CNTRL: variants seen among roughly 807,000 people sequenced by gnomAD.
The protein encoded by CNTRL is 110 kDa centrosomal protein.
CNTRL carries 233 observed loss-of-function variants against 303.7 expected under a neutral mutation model. The observed-to-expected ratio is 0.77, with a 90% CI of 0.69 to 0.86. The LOEUF is 0.86. Among genes scored for constraint, CNTRL ranks in the 40% least tolerant of loss-of-function variants. CNTRL has a pLI of 0.00. For synonymous variants in CNTRL, 900 were observed against 922.2 expected (o/e 0.98, Z 0.44); for missense variants, 2,524 against 2,650.6 (o/e 0.95, Z 1.05).
intron 8 of CNTRL, among the ~76,000 whole-genome samples, chr9:121,109,683 G>A (rs952488383): frequency 6.6e-6 from 1 of 152,082 alleles, no homozygotes; most frequent in Non-Finnish European, 1.5e-5. Context: ...TTAAAATTTT[G>A]ATAAGTGTTA....
chr9:121,081,071 C>T (rs2048120560), intron 2 of CNTRL, among the ~76,000 whole-genome samples: 1 of 152,208 alleles, frequency 6.6e-6, no homozygotes, highest in South Asian at 2.1e-4. Context: ...ACACCTACCT[C>T]TCCAGATTTC....
chr9:121,096,932 G>T (rs1358334147), intron 6 of CNTRL, among the ~76,000 whole-genome samples: 2 of 151,580 alleles, frequency 1.3e-5, no homozygotes, highest in East Asian at 3.9e-4. Context: ...TTTGTGCCAG[G>T]ATCCAGATCA....
chr9:121,151,752 T>C (rs1282887289), intron 25 of CNTRL, among the ~76,000 whole-genome samples: 1 of 152,158 alleles, frequency 6.6e-6, no homozygotes, highest in East Asian at 1.9e-4. Flanking sequence ...AAGCTCCTCC[T>C]TCAGACTCAG....
At chr9:121,076,108 T>G (rs2047914162) in intron 1 of CNTRL, among the ~76,000 whole-genome samples, 1 of 152,206 alleles carries the variant, frequency 6.6e-6, no homozygotes, top group Non-Finnish European at 1.5e-5. Context: ...TTGTAGCTTA[T>G]AGTCTAGAAG....
Position 121,166,183 on chromosome 9 carries a change from A to G in CNTRL, c.5655+3A>G. 6.2e-7 allele frequency: 1 copy of G among 1,602,860 alleles called. No individual in the cohort carries two copies. The highest frequency in any genetic ancestry group is 1.1e-5 in the South Asian group (1 of 90,104). ...ACCATTTGAACCTAGCAAAACAGGT[A>G]AGGTTAACAAATGTAATATTCTAGT... On this transcript the variant is annotated splice_donor_region_variant and intron_variant, in intron 36 of 43. Coordinates refer to ENST00000373855, the MANE Select transcript of CNTRL (RefSeq NM_007018.6).
intron 20 of CNTRL, among the ~76,000 whole-genome samples, chr9:121,144,441 G>A (rs1007727271): frequency 3.9e-5 from 6 of 152,106 alleles, no homozygotes; most frequent in Non-Finnish European, 1.5e-5. Flanking sequence ...ATCTCGTGCA[G>A]TCATGTGAAA....
intron 35 of CNTRL, 38 bp downstream of exon 35, chr9:121,165,138 T>A: frequency 6.6e-7 from 1 of 1,511,214 alleles, no homozygotes. Flanking sequence ...TGTGATTTCC[T>A]TGCCCTTCGT....
chr9:121,134,290 A>ATTTTTTTTTTTTT (rs1357821014), intron 14 of CNTRL, among the ~76,000 whole-genome samples: 1 of 97,886 alleles, frequency 1.0e-5, no homozygotes, highest in African/African-American at 3.7e-5. Flanking sequence ...TAATATCATT[A>ATTTTTTTTTTTTT]TTATTTTTTT....
At chr9:121,140,542 C>T (rs1042918631) in intron 16 of CNTRL, 99 bp from the exon 17 acceptor site, 1 of 1,048,072 alleles carries the variant, frequency 9.5e-7, no homozygotes, top group African/African-American at 1.6e-5. Context: ...GAGGCATTGT[C>T]TGAATTTAGT....
chr9:121,096,491 T>C lies in CNTRL; in HGVS notation c.549T>C (p.His183=). 6.4e-7 allele frequency: 1 copy of C among 1,571,472 alleles called. No homozygotes were observed. Among genetic ancestry groups the C allele is most frequent in the Non-Finnish European group, 8.7e-7 (1 of 1,154,608 alleles). ...KLNLAGNEIE[H]IPVWLGKKLK... Reference sequence around the variant, plus strand: ...ACCTTGCAGGAAATGAAATTGAGCATATTCCAGTATGGTTAGGGAAGAAGT... The same window carrying C: ...ACCTTGCAGGAAATGAAATTGAGCACATTCCAGTATGGTTAGGGAAGAAGT... The change falls in exon 6 of 44, where the codon CAT becomes CAC. Residue 183 remains histidine, a synonymous_variant. Coordinates refer to ENST00000373855, the MANE Select transcript of CNTRL (RefSeq NM_007018.6).
In CNTRL at chr9:121,142,184, A is replaced by T. The variant is rs773025383; in HGVS notation, c.2785A>T (p.Ile929Phe). The T allele has an allele frequency of 1.7e-5, 27 of 1,613,408 alleles. No individual in the cohort carries two copies. The South Asian group carries it at 2.6e-4, about 16-fold the overall frequency. Residue 929 changes from isoleucine to phenylalanine, a missense_variant, in exon 19 of 44, where the codon ATC becomes TTC. Ile to Phe is a conservative substitution (Grantham distance 21). Coordinates refer to ENST00000373855, the MANE Select transcript of CNTRL (RefSeq NM_007018.6). ...LQENLKSMEEIQGLTDLQLQE... is the reference protein window; with the variant it reads ...LQENLKSMEEFQGLTDLQLQE... ...AGAAAATCTAAAAAGTATGGAGGAA[A>T]TCCAAGGCCTTACAGATCTCCAACT...
At chr9:121,078,977 G>T (rs918761975) in intron 1 of CNTRL, among the ~76,000 whole-genome samples, 1 of 152,086 alleles carries the variant, frequency 6.6e-6, no homozygotes, top group African/African-American at 2.4e-5. Context: ...ATGTAGGCCT[G>T]ATTGATTACA....
chr9:121,079,250 A>G (rs2048047521), intron 1 of CNTRL, among the ~76,000 whole-genome samples: 1 of 152,208 alleles, frequency 6.6e-6, no homozygotes, highest in Admixed American at 6.5e-5. Context: ...TAGACCAAAA[A>G]GCCTTGTGGA....
chr9:121,164,218 A>G lies in CNTRL; in HGVS notation c.5424-725A>G, dbSNP rs577163667. ...TAAAATGGTATTAAGTAACTGTTAAACTTTGGAAGACAGTTTAACAGTTAC... is the reference window on the plus strand; with the variant it reads ...TAAAATGGTATTAAGTAACTGTTAAGCTTTGGAAGACAGTTTAACAGTTAC... On this transcript the variant is annotated intron_variant, in intron 34 of 43. Transcript: ENST00000373855. Among the ~76,000 whole-genome samples, 4 of 152,276 alleles carry G rather than the reference A, an allele frequency of 2.6e-5. No individual in the cohort carries two copies. In the East Asian group the frequency reaches 7.7e-4, roughly 29 times the overall value.
At position 121,144,076 on chromosome 9, in the gene CNTRL, A is replaced by C. The variant is rs146801487; in HGVS notation, c.3045A>C (p.Arg1015=). 26 of 1,607,528 alleles carry C rather than the reference A, an allele frequency of 1.6e-5. No homozygotes were observed. The highest frequency in any genetic ancestry group is 2.2e-5 in the Non-Finnish European group (26 of 1,178,212). The change falls in exon 20 of 44, where the codon CGA becomes CGC. Residue 1015 remains arginine (R), a synonymous_variant. Coordinates refer to ENST00000373855, the MANE Select transcript of CNTRL (RefSeq NM_007018.6). ...CTGTTATGAAAATTAACCAGGAGCGAGCAGAGGTGAGTTCACATGTACAGA... is the reference window on the plus strand; with the variant it reads ...CTGTTATGAAAATTAACCAGGAGCGCGCAGAGGTGAGTTCACATGTACAGA... The part of the protein sequence containing the change: ...HGTVMKINQE[R]AEELQEAERF...
At chr9:121,171,656 G>T in intron 40 of CNTRL, 108 bp downstream of exon 40, 1 of 1,134,476 alleles carries the variant, frequency 8.8e-7, no homozygotes, top group Non-Finnish European at 1.2e-6. Flanking sequence ...TAGAAAAGCT[G>T]ATTATAAGAA....
At chr9:121,105,604 G>T (rs1055723311) in intron 7 of CNTRL, among the ~76,000 whole-genome samples, 1 of 152,200 alleles carries the variant, frequency 6.6e-6, no homozygotes, top group Non-Finnish European at 1.5e-5. Flanking sequence ...AAGAAAAGCA[G>T]TCCGCTAAGG....
chr9:121,175,314 T>C, intron 43 of CNTRL, 90 bp downstream of exon 43: 1 of 1,127,264 alleles, frequency 8.9e-7, no homozygotes. Flanking sequence ...CCGCCCAGGC[T>C]GGAGTGCATT....
chr9:121,140,124 A>G (rs1275973004), intron 16 of CNTRL, among the ~76,000 whole-genome samples: 2 of 152,212 alleles, frequency 1.3e-5, no homozygotes, highest in African/African-American at 4.8e-5. Context: ...TCATGTTGAT[A>G]TAGGGGCTCT....
Sources: gnomAD v4.1 joint callset for allele counts (sites outside exome capture counted in the v4.1 genomes callset) on GRCh38, gnomAD v4.1.1 for gene constraint, MANE v1.5 for transcripts, NCBI Gene and HGNC (gene_info 2026-07-23, HGNC 2026-07-21) for gene names.